Variants in SH3RF3 observed in about 807,000 individuals in gnomAD.
SH3RF3 encodes SH3 domain containing ring finger 3.
In SH3RF3, 29 loss-of-function variants were observed where a neutral mutation model predicts 66.3. That is an observed-to-expected ratio of 0.44 (90% CI 0.33 to 0.60). The LOEUF (loss-of-function observed/expected upper bound fraction) is 0.60. Among genes scored for constraint, SH3RF3 ranks in the 20% least tolerant of loss-of-function variants. The pLI is 0.04. For synonymous variants in SH3RF3, 583 were observed against 532.0 expected, an observed-to-expected ratio of 1.10 and a Z score of -1.32; for missense variants, 1,194 against 1,190.9, an observed-to-expected ratio of 1.00 and a Z score of -0.04.
At chr2:109,276,648 A>T (rs1327736292) in intron 1 of SH3RF3, among the ~76,000 whole-genome samples, 1 of 152,216 alleles carries the variant, frequency 6.6e-6, no homozygotes, top group Non-Finnish European at 1.5e-5. Context: ...GCGCTGGACA[A>T]ATCTGAACTG....
intron 1 of SH3RF3, among the ~76,000 whole-genome samples, chr2:109,248,898 TCCTGTCCTGTCCTG>T (rs1277230788): frequency 1.0e-4 from 5 of 49,072 alleles, no homozygotes; most frequent in Admixed American, 1.9e-4. Flanking sequence ...TCCTGTCCTG[TCCTGTCCTGTCCTG>T]TCCTGTCCTG....
intron 1 of SH3RF3, among the ~76,000 whole-genome samples, chr2:109,297,633 C>T (rs1681348469): frequency 6.7e-6 from 1 of 150,156 alleles, no homozygotes; most frequent in Non-Finnish European, 1.5e-5. Context: ...CCCAGGCCAG[C>T]CCCATCCCAC....
At chr2:109,252,442 CT>C (rs1220695447) in intron 1 of SH3RF3, among the ~76,000 whole-genome samples, 1 of 152,062 alleles carries the variant, frequency 6.6e-6, no homozygotes, top group African/African-American at 2.4e-5. Context: ...TAAGCTTTGT[CT>C]TTTTACAGGC....
At chr2:109,421,843 C>T (rs1046775911) in intron 5 of SH3RF3, among the ~76,000 whole-genome samples, 2 of 152,164 alleles carry the variant, frequency 1.3e-5, no homozygotes, top group Non-Finnish European at 2.9e-5. Flanking sequence ...GGTGATGGTC[C>T]GTTCCATGTG....
chr2:109,418,395 C>T (rs192965020), intron 4 of SH3RF3, among the ~76,000 whole-genome samples: 5 of 152,208 alleles, frequency 3.3e-5, no homozygotes, highest in Non-Finnish European at 7.4e-5. Context: ...TCGGAAGCCC[C>T]AAGTCAAGGT....
intron 4 of SH3RF3, among the ~76,000 whole-genome samples, chr2:109,400,210 A>C (rs1676268233): frequency 6.6e-6 from 1 of 152,126 alleles, no homozygotes; most frequent in African/African-American, 2.4e-5. Context: ...CCCTACACAC[A>C]CTTGCACACA....
chr2:109,162,171 C>T (rs893194445), intron 1 of SH3RF3, among the ~76,000 whole-genome samples: 10 of 152,270 alleles, frequency 6.6e-5, no homozygotes, highest in East Asian at 1.9e-4. Flanking sequence ...CCTGGAAAGA[C>T]GCCAGGACAG....
chr2:109,130,148 C>T, intron 1 of SH3RF3, 35 bp downstream of exon 1: 1 of 1,276,462 alleles, frequency 7.8e-7, no homozygotes. Context: ...GGCCACGGCA[C>T]GTGGGAGTGT....
intron 1 of SH3RF3, among the ~76,000 whole-genome samples, chr2:109,238,082 T>G (rs1679689117): frequency 6.6e-6 from 1 of 152,186 alleles, no homozygotes; most frequent in South Asian, 2.1e-4. Flanking sequence ...GGCATCTGCC[T>G]GTAATCCCAG....
At chr2:109,435,673 A>G (rs1677379147) in intron 6 of SH3RF3, among the ~76,000 whole-genome samples, 1 of 152,246 alleles carries the variant, frequency 6.6e-6, no homozygotes, top group Non-Finnish European at 1.5e-5. Flanking sequence ...TTCTGCTGTC[A>G]TGAGAGGCAG....
rs543725392 is a variant in SH3RF3, at chr2:109,239,185, G to A, written c.574-108489G>A. On this transcript the variant is annotated intron_variant, in intron 1 of 9. Transcript: ENST00000309415. ...CCCCAGACCTCTTTCTTCCCTGGGT[G>A]TGAGCCCTGCACAGTGCTCCGAAAA... Among the ~76,000 whole-genome samples, 22 of 152,270 alleles carry A rather than the reference G, an allele frequency of 1.4e-4. No individual in the cohort carries two copies. In the South Asian group the frequency reaches 4.6e-3, roughly 32 times the overall value.
chr2:109,267,160 C>G (rs554941305), intron 1 of SH3RF3, among the ~76,000 whole-genome samples: 3 of 152,050 alleles, frequency 2.0e-5, no homozygotes, highest in African/African-American at 4.8e-5. Context: ...GAGTTGCTTC[C>G]GATCGGTGAT....
At chr2:109,301,913 C>T (rs887195275) in intron 1 of SH3RF3, among the ~76,000 whole-genome samples, 5 of 152,172 alleles carry the variant, frequency 3.3e-5, no homozygotes, top group African/African-American at 9.7e-5. Flanking sequence ...TTCCCCGGTG[C>T]GGGACCGGGG....
At chr2:109,229,822 CTTTCTT>C (rs1157368325) in intron 1 of SH3RF3, among the ~76,000 whole-genome samples, 1,439 of 124,972 alleles carry the variant, frequency 0.012, 10 homozygotes, top group East Asian at 0.03. Context: ...TTTTCTTTTT[CTTTCTT>C]TTTTTTTTTT....
At chr2:109,427,611 A>C (rs1677064391) in intron 5 of SH3RF3, among the ~76,000 whole-genome samples, 1 of 152,306 alleles carries the variant, frequency 6.6e-6, no homozygotes, top group Non-Finnish European at 1.5e-5. Context: ...CACTAGCCCC[A>C]CACACAAGTG....
intron 1 of SH3RF3, among the ~76,000 whole-genome samples, chr2:109,212,724 C>G (rs1201470937): frequency 6.6e-6 from 1 of 152,230 alleles, no homozygotes; most frequent in Non-Finnish European, 1.5e-5. Flanking sequence ...AATAAAGACC[C>G]ATTCTCTCTT....
intron 2 of SH3RF3, among the ~76,000 whole-genome samples, chr2:109,370,383 G>C (rs1219737620): frequency 6.6e-6 from 1 of 152,044 alleles, no homozygotes. Flanking sequence ...GGGACTACAG[G>C]TGCCTGCCAC....
chr2:109,339,706 C>T (rs1044318499), intron 1 of SH3RF3, among the ~76,000 whole-genome samples: 6 of 152,166 alleles, frequency 3.9e-5, no homozygotes, highest in African/African-American at 1.4e-4. Context: ...CCTCTAAGTA[C>T]CCATTATCAG....
intron 1 of SH3RF3, among the ~76,000 whole-genome samples, chr2:109,196,927 G>C (rs1678516471): frequency 6.6e-6 from 1 of 152,218 alleles, no homozygotes; most frequent in African/African-American, 2.4e-5. Flanking sequence ...TTGCTGAGTA[G>C]TGCGAAGGCT....
Sources: allele counts gnomAD v4.1 joint callset (sites outside exome capture counted in the v4.1 genomes callset), GRCh38; gene constraint gnomAD v4.1.1; transcripts MANE v1.5; gene names NCBI Gene and HGNC (gene_info 2026-07-23, HGNC 2026-07-21).